DGKB: variants seen among roughly 807,000 people sequenced by gnomAD.
DGKB encodes the protein diacylglycerol kinase beta, also known as 90 kDa diacylglycerol kinase.
In DGKB, 67 loss-of-function variants were observed where a neutral mutation model predicts 114.3. That is an observed-to-expected ratio of 0.59 (90% CI 0.48 to 0.72). DGKB has a LOEUF of 0.72. DGKB is among the 30% of genes least tolerant of loss of function. The pLI is 0.00. For missense variants in DGKB, 907 were observed against 975.2 expected (o/e 0.93, Z 0.93); for synonymous variants, 398 against 323.1 (o/e 1.23, Z -2.49).
intron 21 of DGKB, among the ~76,000 whole-genome samples, chr7:14,474,689 T>C (rs1196775435): frequency 6.6e-6 from 1 of 152,118 alleles, no homozygotes; most frequent in African/African-American, 2.4e-5. Flanking sequence ...TCTCTCTAAA[T>C]AGCACCATGA....
At chr7:14,387,100 AT>A (rs1427715422) in intron 21 of DGKB, among the ~76,000 whole-genome samples, 6 of 133,190 alleles carry the variant, frequency 4.5e-5, no homozygotes, top group African/African-American at 1.9e-4. Context: ...TCTTTTGATT[AT>A]TTATTTATTT....
intron 25 of DGKB, 175 bp downstream of exon 25, chr7:14,176,664 T>C: frequency 2.9e-6 from 4 of 1,386,868 alleles, no homozygotes; most frequent in Non-Finnish European, 3.7e-6. Flanking sequence ...CAAGGGTATA[T>C]AATGTCTACA....
At chr7:14,434,497 T>C (rs1255347109) in intron 21 of DGKB, among the ~76,000 whole-genome samples, 1 of 152,124 alleles carries the variant, frequency 6.6e-6, no homozygotes, top group Non-Finnish European at 1.5e-5. Flanking sequence ...AGCCTGGCGT[T>C]GCTGGCTTTG....
chr7:14,647,580 T>C (rs371796957), intron 13 of DGKB, among the ~76,000 whole-genome samples: 47 of 152,118 alleles, frequency 3.1e-4, no homozygotes, highest in African/African-American at 1.1e-3. Context: ...AAAAATCCTC[T>C]ACCAAATAAT....
At chr7:14,206,709 C>T (rs777071262) in intron 23 of DGKB, among the ~76,000 whole-genome samples, 5 of 151,952 alleles carry the variant, frequency 3.3e-5, no homozygotes, top group African/African-American at 7.3e-5. Flanking sequence ...GGAATAGTGT[C>T]GTATATCCTG....
intron 17 of DGKB, among the ~76,000 whole-genome samples, chr7:14,596,241 C>G: frequency 6.6e-6 from 1 of 152,102 alleles, no homozygotes; most frequent in East Asian, 1.9e-4. Flanking sequence ...ATTGTTTATA[C>G]TGCATTGTTA....
intron 4 of DGKB, among the ~76,000 whole-genome samples, chr7:14,751,213 T>C (rs963813844): frequency 1.3e-5 from 2 of 152,218 alleles, no homozygotes; most frequent in Non-Finnish European, 2.9e-5. Context: ...TTTTAACTTA[T>C]ACTTGGAAAA....
intron 23 of DGKB, among the ~76,000 whole-genome samples, chr7:14,323,171 T>C (rs1562935288): frequency 2.6e-5 from 4 of 152,190 alleles, no homozygotes; most frequent in African/African-American, 9.6e-5. Flanking sequence ...AATGAAAATA[T>C]GGAATTTAAA....
At chr7:14,724,597 TG>T (rs1269913590) in intron 5 of DGKB, among the ~76,000 whole-genome samples, 2 of 152,190 alleles carry the variant, frequency 1.3e-5, no homozygotes, top group Non-Finnish European at 2.9e-5. Context: ...TATAGGTCTT[TG>T]GGGATAACGT....
intron 9 of DGKB, among the ~76,000 whole-genome samples, chr7:14,686,880 C>CT (rs1018559508): frequency 2.6e-5 from 4 of 151,844 alleles, no homozygotes; most frequent in African/African-American, 9.7e-5. Context: ...TTAAGACTAT[C>CT]TTTTCAAAGA....
At chr7:14,378,769 G>A (rs990488011) in intron 21 of DGKB, among the ~76,000 whole-genome samples, 3 of 152,040 alleles carry the variant, frequency 2.0e-5, no homozygotes, top group Non-Finnish European at 4.4e-5. Flanking sequence ...TGTGCAGAAA[G>A]TCCCTTATTT....
intron 21 of DGKB, among the ~76,000 whole-genome samples, chr7:14,412,700 G>A (rs1002383338): frequency 2.0e-5 from 3 of 152,180 alleles, no homozygotes; most frequent in African/African-American, 7.2e-5. Flanking sequence ...CAGCGAGGAA[G>A]GCCAGGCACG....
intron 17 of DGKB, among the ~76,000 whole-genome samples, chr7:14,607,157 C>CGTGTGTGT (rs71004316): frequency 0.021 from 3,086 of 148,286 alleles, 42 homozygotes; most frequent in Admixed American, 0.029. Flanking sequence ...GCTAGTTTGT[C>CGTGTGTGT]GTGTGTGTGT....
At chr7:14,322,759 A>T (rs1016385105) in intron 23 of DGKB, among the ~76,000 whole-genome samples, 1 of 152,228 alleles carries the variant, frequency 6.6e-6, no homozygotes, top group Admixed American at 6.6e-5. Flanking sequence ...CAGTTAAAAA[A>T]TAGGCAAAAG....
chr7:14,285,087 A>G (rs1800661804), intron 23 of DGKB, among the ~76,000 whole-genome samples: 1 of 152,178 alleles, frequency 6.6e-6, no homozygotes, highest in Admixed American at 6.5e-5. Flanking sequence ...TTAGTGAGTG[A>G]TATTTTCTCA....
chr7:14,412,549 G>C (rs1253928371), intron 21 of DGKB, among the ~76,000 whole-genome samples: 1 of 152,204 alleles, frequency 6.6e-6, no homozygotes, highest in Non-Finnish European at 1.5e-5. Flanking sequence ...GGCTCAGGGA[G>C]TCTGGAAAGG....
chr7:14,311,688 A>G (rs1805418638), intron 23 of DGKB, among the ~76,000 whole-genome samples: 1 of 152,144 alleles, frequency 6.6e-6, no homozygotes, highest in Non-Finnish European at 1.5e-5. Context: ...GGCCTTCTAA[A>G]GTTGTAGAAT....
intron 23 of DGKB, among the ~76,000 whole-genome samples, chr7:14,189,277 T>A (rs192884650): frequency 6.6e-6 from 1 of 152,140 alleles, no homozygotes; most frequent in Non-Finnish European, 1.5e-5. Flanking sequence ...GTATAAATTT[T>A]AGGGGGAAGG....
chr7:14,321,382 T>C (rs938155391), intron 23 of DGKB, among the ~76,000 whole-genome samples: 1 of 152,052 alleles, frequency 6.6e-6, no homozygotes, highest in Admixed American at 6.6e-5. Context: ...AATAATTTTA[T>C]AAAAATCAAC....
Sources: gnomAD v4.1 joint callset for allele counts (sites outside exome capture counted in the v4.1 genomes callset) on GRCh38, gnomAD v4.1.1 for gene constraint, MANE v1.5 for transcripts, NCBI Gene and HGNC (gene_info 2026-07-23, HGNC 2026-07-21) for gene names.